KCNK13: variants seen among roughly 807,000 people sequenced by gnomAD.
KCNK13 encodes potassium two pore domain channel subfamily K member 13, also known as potassium channel subfamily K member 13.
Under a neutral mutation model 23.4 loss-of-function variants are expected in KCNK13, and 12 were observed. That is an observed-to-expected ratio of 0.51 (90% CI 0.33 to 0.83). The LOEUF is 0.83. Among genes scored for constraint, KCNK13 ranks in the 40% least tolerant of loss-of-function variants. The probability of loss-of-function intolerance (pLI) is 0.02; values close to 1 mark genes in which losing one functional copy is unlikely to be tolerated. For missense variants in KCNK13, 463 were observed against 556.3 expected, an observed-to-expected ratio of 0.83 and a Z score of 1.69; for synonymous variants, 231 against 229.5, an observed-to-expected ratio of 1.01 and a Z score of -0.06.
intron 1 of KCNK13, among the ~76,000 whole-genome samples, chr14:90,153,520 A>T (rs577654270): frequency 6.6e-6 from 1 of 152,350 alleles, no homozygotes; most frequent in African/African-American, 2.4e-5. Context: ...ACCATAGTTT[A>T]CTTATCCTTA....
intron 1 of KCNK13, among the ~76,000 whole-genome samples, chr14:90,105,121 G>C (rs541433623): frequency 1.3e-5 from 2 of 152,138 alleles, no homozygotes; most frequent in African/African-American, 4.8e-5. Context: ...TGCTACGTTA[G>C]GTAAATGGGT....
intron 1 of KCNK13, among the ~76,000 whole-genome samples, chr14:90,167,046 C>T (rs1231345056): frequency 1.3e-5 from 2 of 152,206 alleles, no homozygotes; most frequent in Non-Finnish European, 2.9e-5. Context: ...GAGCAAGTTA[C>T]TTAACCTCTG....
chr14:90,114,543 G>A (rs983016455), intron 1 of KCNK13, among the ~76,000 whole-genome samples: 7 of 152,200 alleles, frequency 4.6e-5, no homozygotes, highest in African/African-American at 2.4e-5. Context: ...GGGAAAGCCC[G>A]GTTAAGCCTG....
rs75639952 is a variant in KCNK13, at chr14:90,113,088, T to C, written c.334+50549T>C. Among the ~76,000 whole-genome samples the C allele has an allele frequency of 6.6e-3, 1,002 of 152,176 alleles. 77 individuals are homozygous for C. The East Asian group carries it at 0.16, about 25-fold the overall frequency. ...GCCACCATGCCCTGCTAATTTTTTATATTTTTTGTAGAGACAGGGTTTTGC... is the reference window on the plus strand; with the variant it reads ...GCCACCATGCCCTGCTAATTTTTTACATTTTTTGTAGAGACAGGGTTTTGC... On this transcript the variant is annotated intron_variant, in intron 1 of 1. Transcript: ENST00000282146.
chr14:90,160,054 T>C (rs1007649317), intron 1 of KCNK13, among the ~76,000 whole-genome samples: 1 of 151,986 alleles, frequency 6.6e-6, no homozygotes, highest in African/African-American at 2.4e-5. Flanking sequence ...AAATACAAAG[T>C]TGTATTGATT....
At chr14:90,088,608 T>C (rs1166591859) in intron 1 of KCNK13, among the ~76,000 whole-genome samples, 1 of 152,184 alleles carries the variant, frequency 6.6e-6, no homozygotes, top group African/African-American at 2.4e-5. Flanking sequence ...TGATTTCTCT[T>C]GGGAAAATGG....
intron 1 of KCNK13, among the ~76,000 whole-genome samples, chr14:90,095,156 CA>C (rs1013704446): frequency 5.5e-4 from 83 of 152,200 alleles, no homozygotes; most frequent in African/African-American, 1.7e-3. Context: ...GCGTCTCTGT[CA>C]AAAAAGGCAA....
chr14:90,182,680 G>C (rs1890501479), intron 1 of KCNK13, among the ~76,000 whole-genome samples: 1 of 152,088 alleles, frequency 6.6e-6, no homozygotes, highest in Non-Finnish European at 1.5e-5. Flanking sequence ...AAATTAGCCA[G>C]GCATAGTGTG....
At chr14:90,178,256 A>G (rs1162206083) in intron 1 of KCNK13, among the ~76,000 whole-genome samples, 1 of 145,748 alleles carries the variant, frequency 6.9e-6, no homozygotes, top group Non-Finnish European at 1.5e-5. Context: ...AAAAAAAAAA[A>G]GGATACCCTG....
intron 1 of KCNK13, among the ~76,000 whole-genome samples, chr14:90,146,640 T>G (rs1890076583): frequency 6.6e-6 from 1 of 152,148 alleles, no homozygotes; most frequent in Non-Finnish European, 1.5e-5. Context: ...TTCTTCCTTT[T>G]GTATCTAACC....
At chr14:90,139,070 A>T (rs899546307) in intron 1 of KCNK13, among the ~76,000 whole-genome samples, 1 of 152,188 alleles carries the variant, frequency 6.6e-6, no homozygotes, top group Non-Finnish European at 1.5e-5. Flanking sequence ...ATAGAATCAC[A>T]TGGGACCAGT....
At chr14:90,086,421 ACT>A (rs1877453119) in intron 1 of KCNK13, among the ~76,000 whole-genome samples, 3 of 152,156 alleles carry the variant, frequency 2.0e-5, no homozygotes. Flanking sequence ...TTTGTTTCAA[ACT>A]TTGTTCAGCC....
At chr14:90,153,162 C>G (rs999168635) in intron 1 of KCNK13, among the ~76,000 whole-genome samples, 15 of 152,202 alleles carry the variant, frequency 9.9e-5, no homozygotes, top group African/African-American at 3.1e-4. Flanking sequence ...GAAGCCTTCT[C>G]TGACCTCCCT....
At chr14:90,122,913 G>C (rs563337239) in intron 1 of KCNK13, among the ~76,000 whole-genome samples, 2 of 152,112 alleles carry the variant, frequency 1.3e-5, no homozygotes, top group Non-Finnish European at 2.9e-5. Context: ...TTCCCAGCAC[G>C]GTTCCGTCAC....
chr14:90,069,616 G>C (rs1265027016), intron 1 of KCNK13, among the ~76,000 whole-genome samples: 1 of 151,498 alleles, frequency 6.6e-6, no homozygotes, highest in East Asian at 1.9e-4. Flanking sequence ...AATATTGAAA[G>C]TCACTATTTT....
intron 1 of KCNK13, among the ~76,000 whole-genome samples, chr14:90,156,617 G>A (rs963611275): frequency 6.6e-6 from 1 of 152,110 alleles, no homozygotes; most frequent in Non-Finnish European, 1.5e-5. Flanking sequence ...TTCAAGGAAC[G>A]GGGGCCAAAA....
In KCNK13 at chr14:90,120,890, C is replaced by G. The variant is rs191753314; in HGVS notation, c.334+58351C>G. ...CCGAGACAAGGCAAGTCCCTTCCGC[C>G]TATGAGCCCATGAAATCAAAAGCAA... On this transcript the variant is annotated intron_variant, in intron 1 of 1. Transcript: ENST00000282146. Among the ~76,000 whole-genome samples, 441 of 152,022 alleles carry G rather than the reference C, an allele frequency of 2.9e-3. 1 individual carries two copies. Among genetic ancestry groups the G allele is most frequent in the Non-Finnish European group, 4.6e-3 (314 of 67,988 alleles).
chr14:90,126,200 T>C (rs1270883761), intron 1 of KCNK13, among the ~76,000 whole-genome samples: 1 of 152,138 alleles, frequency 6.6e-6, no homozygotes, highest in Non-Finnish European at 1.5e-5. Context: ...AAGAAGAATT[T>C]AGTATAATTT....
chr14:90,146,558 C>T (rs1347147468), intron 1 of KCNK13, among the ~76,000 whole-genome samples: 1 of 152,164 alleles, frequency 6.6e-6, no homozygotes, highest in Non-Finnish European at 1.5e-5. Context: ...CCAGGTGATC[C>T]ACCCACCTCA....
Sources: allele counts gnomAD v4.1 joint callset (sites outside exome capture counted in the v4.1 genomes callset), GRCh38; gene constraint gnomAD v4.1.1; transcripts MANE v1.5; gene names NCBI Gene and HGNC (gene_info 2026-07-23, HGNC 2026-07-21).